GRIK2: variants seen among roughly 807,000 people sequenced by gnomAD.
GRIK2 encodes the protein glutamate ionotropic receptor kainate type subunit 2.
In GRIK2, 32 loss-of-function variants were observed where a neutral mutation model predicts 100.3. That is an observed-to-expected ratio of 0.32 (90% CI 0.24 to 0.43). The LOEUF is 0.43. GRIK2 is among the 20% of genes least tolerant of loss of function. The pLI is 1.00. For missense variants in GRIK2, 843 were observed against 1,114.9 expected (o/e 0.76, Z 3.47); for synonymous variants, 417 against 389.4 (o/e 1.07, Z -0.83).
At chr6:101,458,574 T>C (rs908481438) in intron 2 of GRIK2, among the ~76,000 whole-genome samples, 1 of 152,240 alleles carries the variant, frequency 6.6e-6, no homozygotes, top group African/African-American at 2.4e-5. Flanking sequence ...GTCTGTGTTC[T>C]AGGCACTGCA....
In GRIK2 at chr6:101,623,910, T is replaced by TAAA. The variant is rs1429625135; in HGVS notation, c.283+1796_283+1797insAAA. ...CACAGCAATACATAAAAACATAATATAACAGAGCCAATATTTTTTTAACTT... is the reference window on the plus strand; with the variant it reads ...CACAGCAATACATAAAAACATAATATAAAAACAGAGCCAATATTTTTTTAACTT... On this transcript the variant is annotated intron_variant, in intron 3 of 16. Transcript: ENST00000369134. 4.1e-4 allele frequency among the ~76,000 whole-genome samples: 63 copies of TAAA among 152,210 alleles called. No homozygotes were observed. The Middle Eastern group carries it at 0.01, about 25-fold the overall frequency.
intron 11 of GRIK2, among the ~76,000 whole-genome samples, chr6:101,869,695 T>C (rs1327429422): frequency 6.6e-6 from 1 of 151,810 alleles, no homozygotes; most frequent in African/African-American, 2.4e-5. Flanking sequence ...AGGGCTTTAT[T>C]TGCCTTTTTT....
At chr6:101,651,278 T>G (rs1002407201) in intron 4 of GRIK2, among the ~76,000 whole-genome samples, 3 of 152,132 alleles carry the variant, frequency 2.0e-5, no homozygotes, top group African/African-American at 7.2e-5. Context: ...TTGTAACATA[T>G]AATTTATTTT....
chr6:101,579,575 G>A (rs1362386385), intron 2 of GRIK2, among the ~76,000 whole-genome samples: 6 of 151,264 alleles, frequency 4.0e-5, no homozygotes, highest in East Asian at 2.0e-4. Context: ...CATTTGGGCC[G>A]GGCATGGTGG....
At chr6:101,786,356 T>C (rs997393677) in intron 7 of GRIK2, among the ~76,000 whole-genome samples, 2 of 152,024 alleles carry the variant, frequency 1.3e-5, no homozygotes, top group African/African-American at 4.8e-5. Context: ...GTTGTAAAAG[T>C]GGGCATCATT....
intron 2 of GRIK2, among the ~76,000 whole-genome samples, chr6:101,572,317 A>AT (rs1253971870): frequency 3.3e-5 from 5 of 152,060 alleles, no homozygotes; most frequent in Non-Finnish European, 5.9e-5. Flanking sequence ...CTGAAACAGT[A>AT]TATTTCTACC....
At chr6:102,001,420 T>C (rs1453652600) in intron 14 of GRIK2, among the ~76,000 whole-genome samples, 2 of 151,726 alleles carry the variant, frequency 1.3e-5, no homozygotes, top group Non-Finnish European at 2.9e-5. Context: ...TGTGTTCTCA[T>C]TGCTCAACTC....
chr6:101,686,246 T>G lies in GRIK2; in HGVS notation c.844T>G (p.Leu282Val). 6.2e-7 allele frequency: 1 copy of G among 1,613,018 alleles called. No homozygotes were observed. Among genetic ancestry groups the G allele is most frequent in the Non-Finnish European group, 8.5e-7 (1 of 1,179,102 alleles). ...TGTTAACATGACAGGGTTCAGAATATTAAATACAGAAAATACCCAAGTCTC... is the reference window on the plus strand; with the variant it reads ...TGTTAACATGACAGGGTTCAGAATAGTAAATACAGAAAATACCCAAGTCTC... ...SGVNMTGFRI[L>V]NTENTQVSSI... is the part of the protein sequence containing the mutation. The change falls in exon 7 of 17, where the codon TTA becomes GTA. Residue 282 changes from leucine to valine, a missense_variant. Physicochemically the swap from Leu to Val is conservative, Grantham distance 32. Coordinates refer to ENST00000369134, the MANE Select transcript of GRIK2 (RefSeq NM_021956.5).
chr6:101,476,091 A>G (rs1189648502), intron 2 of GRIK2, among the ~76,000 whole-genome samples: 1 of 152,092 alleles, frequency 6.6e-6, no homozygotes, highest in Non-Finnish European at 1.5e-5. Context: ...TTTAATTAAG[A>G]ATGTTGTCCC....
At chr6:101,557,198 T>C (rs1251763568) in intron 2 of GRIK2, among the ~76,000 whole-genome samples, 4 of 152,206 alleles carry the variant, frequency 2.6e-5, no homozygotes, top group East Asian at 1.9e-4. Flanking sequence ...AATTATTCTT[T>C]CCAGATTTCT....
intron 2 of GRIK2, among the ~76,000 whole-genome samples, chr6:101,542,527 T>C (rs1582677878): frequency 6.6e-6 from 1 of 152,080 alleles, no homozygotes; most frequent in East Asian, 1.9e-4. Context: ...TTGTAGCATC[T>C]TCCTTTAAAA....
intron 7 of GRIK2, among the ~76,000 whole-genome samples, chr6:101,771,918 T>C (rs756116080): frequency 9.9e-4 from 150 of 152,202 alleles, no homozygotes; most frequent in Non-Finnish European, 1.5e-3. Flanking sequence ...CACATTTTCT[T>C]AATCCCGTCT....
intron 2 of GRIK2, among the ~76,000 whole-genome samples, chr6:101,426,433 A>G (rs966247249): frequency 6.6e-6 from 1 of 151,974 alleles, no homozygotes; most frequent in African/African-American, 2.4e-5. Context: ...TCTTCTATCT[A>G]ACTGTATTTT....
At chr6:101,654,355 C>G (rs1781957647) in intron 4 of GRIK2, among the ~76,000 whole-genome samples, 1 of 152,074 alleles carries the variant, frequency 6.6e-6, no homozygotes, top group Non-Finnish European at 1.5e-5. Flanking sequence ...CTGATTGGTC[C>G]TGAATCACAA....
intron 2 of GRIK2, among the ~76,000 whole-genome samples, chr6:101,536,680 T>C (rs1178269673): frequency 6.6e-6 from 1 of 151,714 alleles, no homozygotes; most frequent in Non-Finnish European, 1.5e-5. Context: ...TACTTCTGGT[T>C]GCAAAATTGC....
At chr6:101,866,843 T>C (rs1282238693) in intron 11 of GRIK2, among the ~76,000 whole-genome samples, 1 of 151,940 alleles carries the variant, frequency 6.6e-6, no homozygotes, top group East Asian at 1.9e-4. Context: ...TATTATATTT[T>C]CTGAATGCCT....
At chr6:102,042,188 T>A (rs1770621455) in intron 15 of GRIK2, among the ~76,000 whole-genome samples, 1 of 151,604 alleles carries the variant, frequency 6.6e-6, no homozygotes, top group Admixed American at 6.6e-5. Context: ...AGGAGAAGTA[T>A]CATCTCTAAA....
intron 7 of GRIK2, among the ~76,000 whole-genome samples, chr6:101,713,338 G>T (rs1255845081): frequency 6.6e-6 from 1 of 151,630 alleles, no homozygotes; most frequent in African/African-American, 2.4e-5. Flanking sequence ...TTGTTAAACA[G>T]TACTATGGCT....
At chr6:101,927,759 T>C in intron 13 of GRIK2, 1 of 152,234 alleles carries the variant, frequency 6.6e-6, no homozygotes, top group Non-Finnish European at 1.5e-5. Flanking sequence ...AATTTAGCTA[T>C]ATATTCTTAT....
Sources: allele counts gnomAD v4.1 joint callset (sites outside exome capture counted in the v4.1 genomes callset), GRCh38; gene constraint gnomAD v4.1.1; transcripts MANE v1.5; gene names NCBI Gene and HGNC (gene_info 2026-07-23, HGNC 2026-07-21).